GATAD2A: variants seen among roughly 807,000 people sequenced by gnomAD.
GATAD2A encodes the protein transcriptional repressor p66-alpha.
GATAD2A carries 12 observed loss-of-function variants against 68.5 expected under a neutral mutation model. The observed-to-expected ratio is 0.18, with a 90% CI of 0.11 to 0.28. The LOEUF (loss-of-function observed/expected upper bound fraction) is 0.28. Ranked by LOEUF, GATAD2A falls within the 10% of genes least tolerant of loss-of-function variation. The pLI is 1.00. For synonymous variants in GATAD2A, 410 were observed against 375.3 expected, an observed-to-expected ratio of 1.09 and a Z score of -1.07; for missense variants, 755 against 868.5, an observed-to-expected ratio of 0.87 and a Z score of 1.64.
intron 1 of GATAD2A, among the ~76,000 whole-genome samples, chr19:19,423,321 T>C (rs1057204615): frequency 6.6e-6 from 1 of 152,252 alleles, no homozygotes. Context: ...CTCTCTTAAT[T>C]GGCGTATGCG....
At chr19:19,454,144 T>C (rs897193794) in intron 1 of GATAD2A, among the ~76,000 whole-genome samples, 1 of 151,680 alleles carries the variant, frequency 6.6e-6, no homozygotes, top group Admixed American at 6.5e-5. Context: ...AGTATAGGTA[T>C]GCGCCACCAC....
At chr19:19,454,765 C>T (rs1216801743) in intron 1 of GATAD2A, among the ~76,000 whole-genome samples, 1 of 137,138 alleles carries the variant, frequency 7.3e-6, no homozygotes, top group Non-Finnish European at 1.5e-5. Flanking sequence ...TTTTTGAAAC[C>T]TACTTTTCTC....
In GATAD2A at chr19:19,466,095, G is replaced by A. The variant is rs185008005; in HGVS notation, c.269+481G>A. On this transcript the variant is annotated intron_variant, in intron 2 of 11. Transcript: ENST00000683918. ...CGGAGCGGGTACGGGATGCTCACTC[G>A]ACTCCATGTTCACTTGGTGCTGGTC... Among the ~76,000 whole-genome samples, 4 of 152,320 alleles carry A rather than the reference G, an allele frequency of 2.6e-5. No individual in the cohort carries two copies. In the East Asian group the frequency reaches 7.7e-4, roughly 29 times the overall value.
rs758157464 is a variant in GATAD2A, at chr19:19,505,488, C to T, written c.*14C>T. 54 of 1,561,812 alleles carry T rather than the reference C, an allele frequency of 3.5e-5. No homozygotes were observed. Among genetic ancestry groups the T allele is most frequent in the Non-Finnish European group, 4.5e-5 (52 of 1,153,544 alleles). ...ACGTGGAAATAGTGCGAGCCAGGCCCCGTGGAAGACGGGCTCCCTCCTCCC... is the reference window on the plus strand; with the variant it reads ...ACGTGGAAATAGTGCGAGCCAGGCCTCGTGGAAGACGGGCTCCCTCCTCCC... On this transcript the variant is annotated 3_prime_UTR_variant, in exon 12 of 12. Transcript: ENST00000683918.
chr19:19,443,175 T>C (rs770014479), intron 1 of GATAD2A, among the ~76,000 whole-genome samples: 2 of 152,202 alleles, frequency 1.3e-5, no homozygotes, highest in Non-Finnish European at 2.9e-5. Flanking sequence ...TTAAGTTTAT[T>C]GCAGTCACCT....
intron 1 of GATAD2A, among the ~76,000 whole-genome samples, chr19:19,427,133 G>A (rs2053193028): frequency 6.6e-6 from 1 of 151,510 alleles, no homozygotes; most frequent in South Asian, 2.1e-4. Flanking sequence ...CAGGGGTTGG[G>A]GGCAGAGAGA....
intron 1 of GATAD2A, among the ~76,000 whole-genome samples, chr19:19,459,948 TC>T (rs966542515): frequency 3.3e-5 from 5 of 152,232 alleles, no homozygotes; most frequent in African/African-American, 9.6e-5. Context: ...CGGTGTGGCT[TC>T]CTTCCGGAAT....
intron 1 of GATAD2A, among the ~76,000 whole-genome samples, chr19:19,439,945 C>T (rs2054810341): frequency 6.6e-6 from 1 of 152,146 alleles, no homozygotes; most frequent in Non-Finnish European, 1.5e-5. Flanking sequence ...GAAACATGGT[C>T]AGAAATAAGG....
rs1308223255 is a variant in GATAD2A, at chr19:19,508,182, G to T, written c.*2708G>T. 6.6e-6 allele frequency: 1 copy of T among 152,238 alleles called. No individual in the cohort carries two copies. The highest frequency in any genetic ancestry group is 2.4e-5 in the African/African-American group (1 of 41,444). 9.4% of individuals were successfully genotyped at this position (152,238 alleles called of 1,614,324 possible). A position where few individuals can be genotyped will look rare whatever the true frequency, so the allele number is the denominator to read the frequency against. On this transcript the variant is annotated 3_prime_UTR_variant, in exon 12 of 12. Coordinates refer to ENST00000683918, the MANE Select transcript of GATAD2A (RefSeq NM_001384528.1). ...ACAGCACCTGGAAACGGTTCCCTCT[G>T]TCAGCTGCTCTGTAGACAGGGCTGG...
chr19:19,448,171 C>T (rs775227597), intron 1 of GATAD2A, among the ~76,000 whole-genome samples: 4 of 152,252 alleles, frequency 2.6e-5, no homozygotes, highest in Non-Finnish European at 5.9e-5. Context: ...CATGGCCAGC[C>T]CTCACAGTGA....
intron 1 of GATAD2A, among the ~76,000 whole-genome samples, chr19:19,415,618 A>ATTTT (rs71170682): frequency 1.7e-5 from 2 of 118,026 alleles, no homozygotes; most frequent in African/African-American, 6.8e-5. Context: ...CCGGGCTAAT[A>ATTTT]TTTTTTTTTT....
intron 2 of GATAD2A, among the ~76,000 whole-genome samples, chr19:19,476,182 ACTT>A (rs1311949276): frequency 1.3e-5 from 2 of 152,234 alleles, no homozygotes; most frequent in African/African-American, 4.8e-5. Flanking sequence ...CAGAGGCCAC[ACTT>A]TATATGGACA....
intron 2 of GATAD2A, among the ~76,000 whole-genome samples, chr19:19,480,736 C>A (rs1324685557): frequency 6.6e-6 from 1 of 152,220 alleles, no homozygotes; most frequent in Non-Finnish European, 1.5e-5. Context: ...CAGAGGTGCA[C>A]CCAGCCCCCT....
At chr19:19,427,132 G>C (rs376724202) in intron 1 of GATAD2A, among the ~76,000 whole-genome samples, 83 of 151,758 alleles carry the variant, frequency 5.5e-4, no homozygotes, top group Middle Eastern at 6.8e-3. Context: ...CCAGGGGTTG[G>C]GGGCAGAGAG....
intron 1 of GATAD2A, among the ~76,000 whole-genome samples, chr19:19,445,199 G>C (rs577338325): frequency 1.3e-5 from 2 of 152,188 alleles, no homozygotes; most frequent in African/African-American, 2.4e-5. Flanking sequence ...TGCCTACCCT[G>C]ATGGCTGATG....
intron 1 of GATAD2A, among the ~76,000 whole-genome samples, chr19:19,410,825 C>G (rs952409584): frequency 6.6e-6 from 1 of 152,194 alleles, no homozygotes; most frequent in Non-Finnish European, 1.5e-5. Flanking sequence ...TAGCGAAAGA[C>G]CTTGTTGAAC....
At chr19:19,501,861 G>A in intron 9 of GATAD2A, 108 bp from the exon 10 acceptor site, 2 of 771,792 alleles carry the variant, frequency 2.6e-6, no homozygotes, top group South Asian at 3.4e-5. Flanking sequence ...TCCCCACTTG[G>A]CGCCTAAAGT....
intron 1 of GATAD2A, among the ~76,000 whole-genome samples, chr19:19,424,518 C>T (rs1037142475): frequency 6.6e-6 from 1 of 152,120 alleles, no homozygotes; most frequent in African/African-American, 2.4e-5. Context: ...GTGTGAGACA[C>T]TGCGCCTGAC....
chr19:19,419,211 C>G (rs1429193858), intron 1 of GATAD2A, among the ~76,000 whole-genome samples: 1 of 152,174 alleles, frequency 6.6e-6, no homozygotes, highest in Non-Finnish European at 1.5e-5. Flanking sequence ...CCTGTGGTGC[C>G]CTAAGCATGT....
Sources: allele counts gnomAD v4.1 joint callset (sites outside exome capture counted in the v4.1 genomes callset), GRCh38; gene constraint gnomAD v4.1.1; transcripts MANE v1.5; gene names NCBI Gene and HGNC (gene_info 2026-07-23, HGNC 2026-07-21).